UBP1: variants seen among roughly 807,000 people sequenced by gnomAD.
UBP1 encodes upstream binding protein 1, also known as upstream-binding protein 1.
UBP1 carries 22 observed loss-of-function variants against 76.1 expected under a neutral mutation model. The ratio of observed to expected loss-of-function variants is 0.29; its 90% CI spans 0.21 to 0.41. The LOEUF is 0.41. Among genes scored for constraint, UBP1 ranks in the 10% least tolerant of loss-of-function variants. The probability of loss-of-function intolerance (pLI) is 1.00; values close to 1 mark genes in which losing one functional copy is unlikely to be tolerated. For synonymous variants in UBP1, 224 were observed against 237.1 expected (o/e 0.94, Z 0.51); for missense variants, 436 against 668.1 (o/e 0.65, Z 3.83).
chr3:33,404,658 A>G (rs1207598135), intron 8 of UBP1, among the ~76,000 whole-genome samples: 2 of 152,104 alleles, frequency 1.3e-5, no homozygotes, highest in East Asian at 3.9e-4. Flanking sequence ...GAAAAAAAGG[A>G]AAGAAAAAGT....
intron 2 of UBP1, among the ~76,000 whole-genome samples, chr3:33,418,412 G>A (rs1349416280): frequency 6.6e-6 from 1 of 151,806 alleles, no homozygotes; most frequent in Non-Finnish European, 1.5e-5. Flanking sequence ...CCGCCACCAC[G>A]CCCAGCTAAT....
At chr3:33,425,996 A>T (rs1436742809) in intron 1 of UBP1, among the ~76,000 whole-genome samples, 2 of 55,136 alleles carry the variant, frequency 3.6e-5, no homozygotes, top group African/African-American at 8.6e-5. Flanking sequence ...GGCAGCTCTG[A>T]ATATATATAT....
chr3:33,426,678 A>G (rs190065283), intron 1 of UBP1, among the ~76,000 whole-genome samples: 3 of 152,306 alleles, frequency 2.0e-5, no homozygotes, highest in Non-Finnish European at 4.4e-5. Context: ...ATGGAATCAT[A>G]TGACTATGTG....
intron 12 of UBP1, 70 bp downstream of exon 12, chr3:33,396,975 T>G (rs976171241): frequency 9.8e-6 from 14 of 1,423,572 alleles, no homozygotes; most frequent in African/African-American, 1.4e-5. Flanking sequence ...TGGAAACACA[T>G]TCTGCCCAAA....
At chr3:33,399,348 A>G (rs2044133210) in intron 11 of UBP1, among the ~76,000 whole-genome samples, 1 of 152,214 alleles carries the variant, frequency 6.6e-6, no homozygotes, top group Non-Finnish European at 1.5e-5. Flanking sequence ...TACCTGGAGA[A>G]GCAGTGCTTG....
intron 1 of UBP1, among the ~76,000 whole-genome samples, chr3:33,438,911 C>T (rs1307278516): frequency 6.6e-6 from 1 of 152,156 alleles, no homozygotes; most frequent in Non-Finnish European, 1.5e-5. Context: ...TGAAAAGCTG[C>T]CAAACCACTG....
Position 33,425,594 on chromosome 3 carries a change from G to A in UBP1, c.261C>T (p.Asn87=), listed in dbSNP as rs2044996995. The change falls in exon 2 of 16, where the codon AAC becomes AAT. Residue 87 remains asparagine (N), a synonymous_variant. Coordinates refer to ENST00000283629, the MANE Select transcript of UBP1 (RefSeq NM_014517.5). Reference sequence around the variant, plus strand: ...ATGTGACATAACCACACTAACCTTGGTTCAAATAAGTAAGCGTTTCATCAT... The same window carrying A: ...ATGTGACATAACCACACTAACCTTGATTCAAATAAGTAAGCGTTTCATCAT... ...KLHDETLTYL[N]QGQSYEIRML... 1.9e-6 allele frequency: 3 copies of A among 1,544,194 alleles called. No homozygotes were observed. Among genetic ancestry groups the A allele is most frequent in the Admixed American group, 1.7e-5 (1 of 59,204 alleles).
At chr3:33,432,520 C>G (rs2045131433) in intron 1 of UBP1, among the ~76,000 whole-genome samples, 1 of 152,122 alleles carries the variant, frequency 6.6e-6, no homozygotes, top group South Asian at 2.1e-4. Context: ...AGTAACTAAA[C>G]AAATACAAGC....
intron 13 of UBP1, among the ~76,000 whole-genome samples, chr3:33,395,781 G>GAAAAAAAAA (rs2043965246): frequency 8.4e-6 from 1 of 119,042 alleles, no homozygotes; most frequent in African/African-American, 3.2e-5. Context: ...AAAGAAAAAG[G>GAAAAAAAAA]AAAGAAAAAC....
chr3:33,399,751 T>C (rs1353174192), intron 11 of UBP1, among the ~76,000 whole-genome samples: 1 of 152,212 alleles, frequency 6.6e-6, no homozygotes, highest in Non-Finnish European at 1.5e-5. Flanking sequence ...TACAAATATC[T>C]ATACCATAAC....
In UBP1 at chr3:33,390,276, C is replaced by A; in HGVS notation, c.*55G>T. 1 of 1,550,810 alleles carries A rather than the reference C, an allele frequency of 6.4e-7. No homozygotes were observed. On this transcript the variant is annotated 3_prime_UTR_variant, in exon 16 of 16. Transcript: ENST00000283629. ...CAAGACTTCTTGGATTCAGTCTTCA[C>A]ACACTTTTAAGCGTGACTATTTGGT...
At chr3:33,412,015 C>T (rs753105424) in intron 4 of UBP1, among the ~76,000 whole-genome samples, 1 of 151,810 alleles carries the variant, frequency 6.6e-6, no homozygotes, top group Non-Finnish European at 1.5e-5. Context: ...GGTGAAACCC[C>T]GTCTCTACTA....
chr3:33,415,769 G>A (rs2154058035), intron 3 of UBP1, among the ~76,000 whole-genome samples: 1 of 150,776 alleles, frequency 6.6e-6, no homozygotes, highest in South Asian at 2.1e-4. Context: ...AAAAAACACA[G>A]AACAAAGAAA....
intron 1 of UBP1, among the ~76,000 whole-genome samples, chr3:33,437,614 G>C (rs1444059246): frequency 6.6e-6 from 1 of 152,194 alleles, no homozygotes; most frequent in African/African-American, 2.4e-5. Context: ...TTTGTATCAA[G>C]AAGTCATTTT....
At chr3:33,436,800 A>C (rs2045211242) in intron 1 of UBP1, among the ~76,000 whole-genome samples, 1 of 152,204 alleles carries the variant, frequency 6.6e-6, no homozygotes, top group Admixed American at 6.5e-5. Context: ...TCAAGTTACC[A>C]TGAGTTTCAG....
intron 1 of UBP1, among the ~76,000 whole-genome samples, chr3:33,434,949 T>C (rs1314961817): frequency 6.6e-6 from 1 of 152,190 alleles, no homozygotes; most frequent in African/African-American, 2.4e-5. Flanking sequence ...CCCTCCAAAG[T>C]GTTGGGATTA....
chr3:33,394,751 T>C (rs746689302), intron 13 of UBP1, among the ~76,000 whole-genome samples: 8 of 150,086 alleles, frequency 5.3e-5, no homozygotes, highest in East Asian at 3.9e-4. Flanking sequence ...AGTAAGAATA[T>C]AGAAATGATC....
At chr3:33,402,502 C>A (rs749414392) in intron 9 of UBP1, among the ~76,000 whole-genome samples, 4 of 152,188 alleles carry the variant, frequency 2.6e-5, no homozygotes, top group African/African-American at 4.8e-5. Flanking sequence ...CCTATAGACA[C>A]TGTTAATGTT....
intron 2 of UBP1, among the ~76,000 whole-genome samples, chr3:33,419,801 G>A (rs1321677462): frequency 1.3e-5 from 2 of 151,972 alleles, no homozygotes; most frequent in Non-Finnish European, 2.9e-5. Context: ...TTAATACCAC[G>A]GCTTCCTGAA....
Sources: gnomAD v4.1 joint callset for allele counts (sites outside exome capture counted in the v4.1 genomes callset) on GRCh38, gnomAD v4.1.1 for gene constraint, MANE v1.5 for transcripts, NCBI Gene and HGNC (gene_info 2026-07-23, HGNC 2026-07-21) for gene names.